PATL1: variants seen among roughly 807,000 people sequenced by gnomAD.
PATL1 encodes the protein protein PAT1 homolog 1.
Under a neutral mutation model 100.6 loss-of-function variants are expected in PATL1, and 32 were observed. That is an observed-to-expected ratio of 0.32 (90% CI 0.24 to 0.43). The LOEUF (loss-of-function observed/expected upper bound fraction) is 0.43. Among genes scored for constraint, PATL1 ranks in the 20% least tolerant of loss-of-function variants. The probability of loss-of-function intolerance (pLI) is 1.00; values close to 1 mark genes in which losing one functional copy is unlikely to be tolerated. For missense variants in PATL1, 747 were observed against 949.9 expected, an observed-to-expected ratio of 0.79 and a Z score of 2.81; for synonymous variants, 332 against 330.0, an observed-to-expected ratio of 1.01 and a Z score of -0.07.
intron 9 of PATL1, among the ~76,000 whole-genome samples, chr11:59,653,349 C>T (rs1466634690): frequency 6.6e-6 from 1 of 152,104 alleles, no homozygotes; most frequent in Non-Finnish European, 1.5e-5. Context: ...CAAGAGAGAT[C>T]AAGTAATTTG....
At chr11:59,652,664 A>T in intron 10 of PATL1, 77 bp from the exon 11 acceptor site, 1 of 1,570,878 alleles carries the variant, frequency 6.4e-7, no homozygotes, top group East Asian at 2.2e-5. Context: ...AATTTATGCC[A>T]GTGACAGTAA....
chr11:59,644,926 C>T (rs1415048315), intron 15 of PATL1, among the ~76,000 whole-genome samples: 1 of 106,882 alleles, frequency 9.4e-6, no homozygotes, highest in Non-Finnish European at 1.8e-5. Flanking sequence ...AAAAAAAAAG[C>T]ACAGTGCTTG....
chr11:59,656,504 C>T lies in PATL1; in HGVS notation c.718G>A (p.Val240Ile), dbSNP rs1418509796. Residue 240 changes from valine to isoleucine, a missense_variant, in exon 6 of 19, where the codon GTC becomes ATC. Val to Ile is a conservative substitution (Grantham distance 29). This residue lies in a region of PATL1 where 127 missense variants were observed against 116.0 expected (regional missense o/e 1.09). Transcript: ENST00000300146. ...TTAGGCTTAAAGTGACATACCGGGA[C>T]ACTGCAGAGCTGGTTTGGAGACATC... ...ERMSPNQLCS[V>I]PNSSLLGHPF... 1.2e-6 allele frequency: 2 copies of T among 1,612,996 alleles called. No individual in the cohort carries two copies. Among genetic ancestry groups the T allele is most frequent in the Admixed American group, 3.3e-5 (2 of 60,000 alleles).
intron 2 of PATL1, among the ~76,000 whole-genome samples, chr11:59,660,426 G>A (rs1861611583): frequency 6.6e-6 from 1 of 152,210 alleles, no homozygotes; most frequent in Non-Finnish European, 1.5e-5. Context: ...TATAAAGGAA[G>A]AAAGGCAGAT....
At chr11:59,650,127 GAAA>G (rs755879524) in intron 13 of PATL1, among the ~76,000 whole-genome samples, 3 of 61,646 alleles carry the variant, frequency 4.9e-5, no homozygotes, top group African/African-American at 1.2e-4. Flanking sequence ...ATCTCAAAAG[GAAA>G]AAAAAAAAAA....
At chr11:59,647,691 C>G in intron 15 of PATL1, 63 bp downstream of exon 15, 1 of 1,527,094 alleles carries the variant, frequency 6.5e-7, no homozygotes, top group Non-Finnish European at 9.0e-7. Flanking sequence ...AATAAGTTTG[C>G]ATTCTAGAAA....
At chr11:59,654,369 T>C (rs553176045) in intron 8 of PATL1, among the ~76,000 whole-genome samples, 1 of 151,386 alleles carries the variant, frequency 6.6e-6, no homozygotes, top group East Asian at 1.9e-4. Context: ...CCCAGCTACT[T>C]GGGAGGCTGA....
intron 9 of PATL1, 121 bp downstream of exon 9, chr11:59,653,862 C>T: frequency 7.9e-6 from 6 of 758,324 alleles, no homozygotes; most frequent in South Asian, 3.7e-5. Flanking sequence ...ATAATACATC[C>T]AGGTTTATGG....
chr11:59,644,814 A>G (rs1022510812), intron 15 of PATL1, among the ~76,000 whole-genome samples: 4 of 150,604 alleles, frequency 2.7e-5, no homozygotes, highest in African/African-American at 9.8e-5. Flanking sequence ...CCTGCATTTT[A>G]GGAAGCAGAG....
Position 59,637,434 on chromosome 11 carries a change from A to C in PATL1, c.*956T>G, listed in dbSNP as rs563970485. ...GTTTCTATTCATGACACCAAATAAA[A>C]GTGGGGAAGAAGGAAGCATGGCTTA... On this transcript the variant is annotated 3_prime_UTR_variant, in exon 19 of 19. Transcript: ENST00000300146. The C allele has an allele frequency of 2.0e-5, 3 of 152,790 alleles. No homozygotes were observed. Among genetic ancestry groups the C allele is most frequent in the African/African-American group, 7.2e-5 (3 of 41,582 alleles). The allele number at this position is 152,790 out of a possible 1,614,324, so 9.5% of individuals were successfully genotyped here. A position where few individuals can be genotyped will look rare whatever the true frequency, so the allele number is the denominator to read the frequency against.
In PATL1 at chr11:59,655,729, T is replaced by C. The variant is rs190852355; in HGVS notation, c.825A>G (p.Gly275=). ...GTGCAAACTGGCTGGGAGACATCCG[T>C]CCAGGCTGTAGCTACAAAGAGGAAG... ...QLLGGAQLQP[G]RMSPSQFARV... is the part of the protein sequence containing the mutation. The change falls in exon 8 of 19, where the codon GGA becomes GGG. Residue 275 remains glycine (G), a synonymous_variant. Transcript: ENST00000300146. 123 of 1,592,600 alleles carry C rather than the reference T, an allele frequency of 7.7e-5. No individual in the cohort carries two copies. Among genetic ancestry groups the C allele is most frequent in the Non-Finnish European group, 1.0e-4 (121 of 1,169,420 alleles).
At position 59,638,266 on chromosome 11, in the gene PATL1, G is replaced by C; in HGVS notation, c.*124C>G. 1 of 937,958 alleles carries C rather than the reference G, an allele frequency of 1.1e-6. No homozygotes were observed. The highest frequency in any genetic ancestry group is 1.7e-6 in the Non-Finnish European group (1 of 596,538). 58.1% of individuals were successfully genotyped at this position (937,958 alleles called of 1,614,324 possible). On this transcript the variant is annotated 3_prime_UTR_variant, in exon 19 of 19. Coordinates refer to ENST00000300146, the MANE Select transcript of PATL1 (RefSeq NM_152716.3). ...GAGACAACCCCTGTAAACAGGAATC[G>C]ATCCCACAAGACTTTGCTTTGGGGA...
At chr11:59,668,814 CGGAGAGAGAGTGAG>C in intron 1 of PATL1, 53 bp downstream of exon 1, 1 of 747,588 alleles carries the variant, frequency 1.3e-6, no homozygotes, top group South Asian at 1.6e-5. Context: ...GACCGGCGCG[CGGAGAGAGAGTGAG>C]GGAGAGGGGC....
rs763170749 is a variant in PATL1 at position 59,666,926 on chromosome 11, T to C, written c.54A>G (p.Ala18=). The C allele has an allele frequency of 2.7e-5, 42 of 1,550,614 alleles. No individual in the cohort carries two copies. The highest frequency in any genetic ancestry group is 3.5e-5 in the Non-Finnish European group (40 of 1,146,500). ...CATCTTCTTCTCCCAGTCCCTGAAATGCATCTTCATCTTCATCCAGAGGAC... is the reference window on the plus strand; with the variant it reads ...CATCTTCTTCTCCCAGTCCCTGAAACGCATCTTCATCTTCATCCAGAGGAC... ...EDCPLDEDED[A]FQGLGEEDEE... The change falls in exon 2 of 19, where the codon GCA becomes GCG. Residue 18 remains alanine, a synonymous_variant. Transcript: ENST00000300146.
Position 59,637,578 on chromosome 11 carries a change from C to T in PATL1, c.*812G>A, listed in dbSNP as rs1330681113. ...CACTTGAGGGGAAAGGCTCAAGTAC[C>T]CTGTAGTTGTAGCAGGAAAAAGACA... On this transcript the variant is annotated 3_prime_UTR_variant, in exon 19 of 19. Transcript: ENST00000300146. 2.0e-5 allele frequency: 3 copies of T among 152,526 alleles called. No homozygotes were observed. The highest frequency in any genetic ancestry group is 7.2e-5 in the African/African-American group (3 of 41,404). 9.4% of individuals were successfully genotyped at this position (152,526 alleles called of 1,614,324 possible). A position where few individuals can be genotyped will look rare whatever the true frequency, so the allele number is the denominator to read the frequency against.
intron 2 of PATL1, among the ~76,000 whole-genome samples, chr11:59,663,870 CTT>C (rs1184970492): frequency 1.3e-5 from 2 of 152,148 alleles, no homozygotes; most frequent in Non-Finnish European, 2.9e-5. Context: ...CATTTCACCT[CTT>C]GATTTAAACT....
Position 59,637,742 on chromosome 11 carries a change from A to T in PATL1, c.*648T>A, listed in dbSNP as rs1269061782. The T allele has an allele frequency of 6.6e-6, 1 of 152,434 alleles. No homozygotes were observed. 9.4% of individuals were successfully genotyped at this position (152,434 alleles called of 1,614,324 possible). A position where few individuals can be genotyped will look rare whatever the true frequency, so the allele number is the denominator to read the frequency against. ...TTATTAAACGTGCTGCATACTCTTT[A>T]TTTATGTTAAAACAAGTAGAACCCA... On this transcript the variant is annotated 3_prime_UTR_variant, in exon 19 of 19. Transcript: ENST00000300146.
At chr11:59,641,049 G>A (rs1048351821) in intron 16 of PATL1, among the ~76,000 whole-genome samples, 7 of 152,014 alleles carry the variant, frequency 4.6e-5, no homozygotes, top group Non-Finnish European at 1.0e-4. Context: ...GCGGGCACCT[G>A]TAATCCCAGC....
rs975499169 is a variant in PATL1, at chr11:59,644,107, G to C, written c.1894-1072C>G. Among the ~76,000 whole-genome samples the C allele has an allele frequency of 2.0e-5, 3 of 152,044 alleles. No individual in the cohort carries two copies. The South Asian group carries it at 6.2e-4, about 31-fold the overall frequency. On this transcript the variant is annotated intron_variant, in intron 15 of 18. Transcript: ENST00000300146. ...ATAAATTAAAAAAGCTTTTATTATGGTCATTTTAGAACATACATGAAAATA... is the reference window on the plus strand; with the variant it reads ...ATAAATTAAAAAAGCTTTTATTATGCTCATTTTAGAACATACATGAAAATA...
Sources: allele counts gnomAD v4.1 joint callset (sites outside exome capture counted in the v4.1 genomes callset), GRCh38; gene constraint gnomAD v4.1.1; regional missense constraint gnomAD v4.1.1; transcripts MANE v1.5; gene names NCBI Gene and HGNC (gene_info 2026-07-23, HGNC 2026-07-21).